POLR3A: variants seen among roughly 807,000 people sequenced by gnomAD.
The protein encoded by POLR3A is RNA polymerase III subunit A.
A neutral mutation model predicts 152.8 loss-of-function variants in POLR3A; 112 were observed. The observed-to-expected ratio is 0.73, with a 90% CI of 0.63 to 0.86. The LOEUF is 0.86. POLR3A is among the 40% of genes least tolerant of loss of function. The probability of loss-of-function intolerance (pLI) is 0.00; values close to 1 mark genes in which losing one functional copy is unlikely to be tolerated. For missense variants in POLR3A, 1,385 were observed against 1,743.1 expected, an observed-to-expected ratio of 0.79 and a Z score of 3.66; for synonymous variants, 615 against 652.1, an observed-to-expected ratio of 0.94 and a Z score of 0.87.
rs182783920 is a variant in POLR3A, at chr10:78,017,533, A to G, written c.1431+42T>C. The G allele has an allele frequency of 4.8e-3, 7,721 of 1,608,356 alleles. 26 individuals are homozygous for G. Among genetic ancestry groups the G allele is most frequent in the Non-Finnish European group, 5.7e-3 (6,740 of 1,174,804 alleles). ...TGTTTAGCACTGAACAGTCATGGCA[A>G]ATTTCTACGTGATGGAAAATTTAAA... On this transcript the variant is annotated intron_variant, in intron 10 of 30. Coordinates refer to ENST00000372371, the MANE Select transcript of POLR3A (RefSeq NM_007055.4).
At chr10:78,027,894 G>T (rs1473772507) in intron 1 of POLR3A, among the ~76,000 whole-genome samples, 2 of 152,092 alleles carry the variant, frequency 1.3e-5, no homozygotes, top group Non-Finnish European at 1.5e-5. Flanking sequence ...CCCTTAATTT[G>T]CACTTTGACA....
chr10:78,013,522 T>G (rs1166910144), intron 11 of POLR3A, 128 bp downstream of exon 11: 1 of 897,780 alleles, frequency 1.1e-6, no homozygotes, highest in Non-Finnish European at 1.9e-6. Context: ...CAGTTAGTGG[T>G]CGGTTTAAGA....
Position 78,002,244 on chromosome 10 carries a change from A to G in POLR3A, c.2312T>C (p.Leu771Pro), listed in dbSNP as rs1847364468. ...GGTGAGGGGGCTGTTGCTCTTGTCCAGCTCCCGGAGGCAGGCACTGCCAGC... is the reference window on the plus strand; with the variant it reads ...GGTGAGGGGGCTGTTGCTCTTGTCCGGCTCCCGGAGGCAGGCACTGCCAGC... ...DHAGSACLRE[L>P]DKSNSPLTMA... is the part of the protein sequence containing the mutation. The change falls in exon 17 of 31, where the codon CTG (leucine) becomes CCG (proline). Residue 771 changes from leucine to proline, a missense_variant. Around this residue, in one of 7 missense-constraint regions of POLR3A, gnomAD observed 170 missense variants for 231.2 expected, o/e 0.74. Coordinates refer to ENST00000372371, the MANE Select transcript of POLR3A (RefSeq NM_007055.4). 9 of 1,603,898 alleles carry G rather than the reference A, an allele frequency of 5.6e-6. No individual in the cohort carries two copies. Among genetic ancestry groups the G allele is most frequent in the East Asian group, 2.2e-5 (1 of 44,606 alleles).
chr10:77,993,283 T>C lies in POLR3A; in HGVS notation c.2701A>G (p.Ile901Val). 6.2e-7 allele frequency: 1 copy of C among 1,612,856 alleles called. No homozygotes were observed. The highest frequency in any genetic ancestry group is 8.5e-7 in the Non-Finnish European group (1 of 1,178,908). The part of the protein sequence containing the change: ...RSSTGDIIQF[I>V]YGGDGLDPAA... The stretch of plus-strand genomic sequence containing the variant: ...GGATCTAAGCCATCTCCTCCATAAA[T>C]GAACTGGATAATATCGCCAGTAGAG... Residue 901 changes from isoleucine to valine, a missense_variant, in exon 20 of 31, where the codon ATT becomes GTT. Around this residue, in one of 7 missense-constraint regions of POLR3A, gnomAD observed 178 missense variants for 204.6 expected, o/e 0.87. Coordinates refer to ENST00000372371, the MANE Select transcript of POLR3A (RefSeq NM_007055.4).
At chr10:77,983,160 C>A (rs1847164983) in intron 26 of POLR3A, among the ~76,000 whole-genome samples, 1 of 152,134 alleles carries the variant, frequency 6.6e-6, no homozygotes, top group Non-Finnish European at 1.5e-5. Context: ...GGGGCCTCCC[C>A]TTTACCTGAC....
chr10:78,003,191 C>T (rs1295504011), intron 16 of POLR3A, among the ~76,000 whole-genome samples: 2 of 152,092 alleles, frequency 1.3e-5, no homozygotes, highest in Non-Finnish European at 2.9e-5. Flanking sequence ...TTGCTGCTGC[C>T]GAGGTCTCAA....
At chr10:78,029,197 A>G (rs1847666348) in intron 1 of POLR3A, among the ~76,000 whole-genome samples, 167 bp downstream of exon 1, 1 of 152,064 alleles carries the variant, frequency 6.6e-6, no homozygotes, top group African/African-American at 2.4e-5. Context: ...AGCCTGACCA[A>G]TGCTCTTTGA....
chr10:77,981,035 AT>A (rs548271453), intron 29 of POLR3A, among the ~76,000 whole-genome samples: 1 of 151,906 alleles, frequency 6.6e-6, no homozygotes, highest in African/African-American at 2.4e-5. Flanking sequence ...ATGTTAACTT[AT>A]TTTTTCCTGG....
chr10:78,011,413 G>GT (rs1847465457), intron 11 of POLR3A, among the ~76,000 whole-genome samples: 1 of 152,198 alleles, frequency 6.6e-6, no homozygotes, highest in African/African-American at 2.4e-5. Flanking sequence ...GGCTCTGTGT[G>GT]TATGAGAGTA....
intron 1 of POLR3A, among the ~76,000 whole-genome samples, chr10:78,028,475 C>A (rs564622076): frequency 8.5e-5 from 13 of 152,058 alleles, no homozygotes; most frequent in African/African-American, 3.1e-4. Flanking sequence ...GGGAATAACG[C>A]GCAGTATCCT....
At chr10:77,990,110 A>C (rs574852930) in intron 21 of POLR3A, among the ~76,000 whole-genome samples, 2 of 152,212 alleles carry the variant, frequency 1.3e-5, no homozygotes, top group Non-Finnish European at 2.9e-5. Flanking sequence ...TATTTAGTAC[A>C]CAAAGGAAAC....
chr10:78,028,506 A>C (rs1847658890), intron 1 of POLR3A, among the ~76,000 whole-genome samples: 1 of 152,088 alleles, frequency 6.6e-6, no homozygotes, highest in Non-Finnish European at 1.5e-5. Flanking sequence ...TGCTGTAAGA[A>C]TGATGAATTC....
rs1237729612 is a variant in POLR3A, at chr10:78,025,804, G to A, written c.181-45C>T. 1.1e-5 allele frequency: 18 copies of A among 1,586,594 alleles called. No individual in the cohort carries two copies. In the East Asian group the frequency reaches 2.7e-4, roughly 24 times the overall value. ...CAATGATCAACACAGACTGCTGGAC[G>A]GGAAAGAGTGCCCAGCCATCATGCC... On this transcript the variant is annotated intron_variant, in intron 2 of 30. Coordinates refer to ENST00000372371, the MANE Select transcript of POLR3A (RefSeq NM_007055.4).
chr10:77,977,652 G>C (rs769727960), intron 30 of POLR3A, 26 bp from the exon 31 acceptor site: 67 of 1,602,396 alleles, frequency 4.2e-5, no homozygotes, highest in Non-Finnish European at 5.7e-5. Context: ...ATGAACATCA[G>C]AGAGCCTCTA....
At chr10:78,019,683 C>T in intron 8 of POLR3A, 1 of 231,830 alleles carries the variant, frequency 4.3e-6, no homozygotes, top group Non-Finnish European at 8.6e-6. Context: ...GTTCTGGAAC[C>T]TCTTAAACAA....
At chr10:77,990,467 A>G (rs2131934867) in intron 21 of POLR3A, among the ~76,000 whole-genome samples, 1 of 152,364 alleles carries the variant, frequency 6.6e-6, no homozygotes, top group Non-Finnish European at 1.5e-5. Flanking sequence ...AAACAAAATC[A>G]GCATTTTTCT....
intron 19 of POLR3A, among the ~76,000 whole-genome samples, chr10:77,995,426 CAG>C (rs1377400043): frequency 6.6e-5 from 10 of 152,196 alleles, no homozygotes; most frequent in Admixed American, 6.5e-4. Context: ...ATCTCACGTG[CAG>C]AGACACACAT....
At position 77,984,280 on chromosome 10, in the gene POLR3A, T is replaced by C; in HGVS notation, c.3261A>G (p.Ala1087=). 1 of 1,612,374 alleles carries C rather than the reference T, an allele frequency of 6.2e-7. No homozygotes were observed. Among genetic ancestry groups the C allele is most frequent in the Non-Finnish European group, 8.5e-7 (1 of 1,178,560 alleles). ...SKAISTPIIT[A]QLDKDDDADY... is the part of the protein sequence containing the mutation. ...CCGCGTCGTCATCCTTGTCTAGCTG[T>C]GCTGTGATAATTGGAGTGCTGTTGA... The change falls in exon 25 of 31, where the codon GCA becomes GCG. Residue 1087 remains alanine (A), a synonymous_variant. Transcript: ENST00000372371.
chr10:78,004,765 G>C lies in POLR3A; in HGVS notation c.2198C>G (p.Thr733Arg). The change falls in exon 16 of 31, where the codon ACG becomes AGG. Residue 733 changes from threonine to arginine, a missense_variant. By Grantham distance (71) the Thr-to-Arg change is moderately conservative (BLOSUM62 -1). This residue lies in a region of POLR3A where 170 missense variants were observed against 231.2 expected (regional missense o/e 0.74). Transcript: ENST00000372371. Reference sequence around the variant, plus strand: ...GCCAGGCTGCTGCTGCAGCTTGCCCGTGTTCAGGGCTTCGATGTACTCATC... The same window carrying C: ...GCCAGGCTGCTGCTGCAGCTTGCCCCTGTTCAGGGCTTCGATGTACTCATC... ...KCDEYIEALN[T>R]GKLQQQPGCT... 6.2e-7 allele frequency: 1 copy of C among 1,613,890 alleles called. No individual in the cohort carries two copies. The highest frequency in any genetic ancestry group is 8.5e-7 in the Non-Finnish European group (1 of 1,179,844).
Sources: gnomAD v4.1 joint callset for allele counts (sites outside exome capture counted in the v4.1 genomes callset) on GRCh38, gnomAD v4.1.1 for gene constraint, gnomAD v4.1.1 regional missense constraint, MANE v1.5 for transcripts, NCBI Gene and HGNC (gene_info 2026-07-23, HGNC 2026-07-21) for gene names.